The following USP29 variants were observed in gnomAD, a reference collection of about 807,000 sequenced individuals.
USP29 encodes the protein ubiquitin specific peptidase 29.
For synonymous variants in USP29, 386 were observed against 387.4 expected (o/e 1.00, Z 0.04); for missense variants, 1,102 against 1,069.0 (o/e 1.03, Z -0.43).
In USP29 at chr19:57,129,956, T is replaced by C. The variant is rs2086846892; in HGVS notation, c.1281T>C (p.Asn427=). 6.2e-7 allele frequency: 1 copy of C among 1,614,188 alleles called. No homozygotes were observed. The highest frequency in any genetic ancestry group is 8.5e-7 in the Non-Finnish European group (1 of 1,180,024). The change falls in exon 4 of 4, where the codon AAT becomes AAC. Residue 427 remains asparagine (N), a synonymous_variant. Transcript: ENST00000254181. ...TGTTTGTTTGCCCTGTTGTTGCTAA[T>C]TTTGAGTTTGAATTGCAGCTCTCCC... is the stretch of plus-strand genomic sequence containing the variant. ...TKVFVCPVVA[N]FEFELQLSLI...
rs969828700 is a variant in USP29 at position 57,130,113 on chromosome 19, G to C, written c.1438G>C (p.Glu480Gln). The change falls in exon 4 of 4, where the codon GAA (glutamate) becomes CAA (glutamine). Residue 480 changes from glutamate to glutamine, a missense_variant. Physicochemically the swap from Glu to Gln is conservative, Grantham distance 29. Coordinates refer to ENST00000254181, the MANE Select transcript of USP29 (RefSeq NM_020903.3). Reference sequence around the variant, plus strand: ...TTCTTTAGATCTTTTCTTTAAAGAAGAAGAGCTTGAATATAACTGTCAGAT... The same window carrying C: ...TTCTTTAGATCTTTTCTTTAAAGAACAAGAGCTTGAATATAACTGTCAGAT... ...QNSLDLFFKE[E>Q]ELEYNCQMCK... 1.1e-5 allele frequency: 17 copies of C among 1,613,672 alleles called. No individual in the cohort carries two copies. Among genetic ancestry groups the C allele is most frequent in the Non-Finnish European group, 1.3e-5 (15 of 1,179,932 alleles).
In USP29 at chr19:57,129,731, G is replaced by A. The variant is rs767922837; in HGVS notation, c.1056G>A (p.Gly352=). Residue 352 remains glycine, a synonymous_variant, in exon 4 of 4, where the codon GGG becomes GGA. Transcript: ENST00000254181. ...CAAAGATCAAGAGAGAATTACTTGG[G>A]AATGTTAAAAAAGTCATTTCAGCAG... is the stretch of plus-strand genomic sequence containing the variant. ...CSTKIKRELL[G]NVKKVISAVA... is the part of the protein sequence containing the mutation. The A allele has an allele frequency of 3.1e-6, 5 of 1,613,704 alleles. No individual in the cohort carries two copies. The Admixed American group carries it at 6.7e-5, about 22-fold the overall frequency.
chr19:57,130,190 G>C lies in USP29; in HGVS notation c.1515G>C (p.Arg505Ser), dbSNP rs759401290. 1.1e-5 allele frequency: 18 copies of C among 1,613,880 alleles called. No individual in the cohort carries two copies. Among genetic ancestry groups the C allele is most frequent in the Non-Finnish European group, 1.5e-5 (18 of 1,180,010 alleles). Residue 505 changes from arginine (R) to serine (S), a missense_variant, in exon 4 of 4, where the codon AGG (arginine) becomes AGC (serine). Transcript: ENST00000254181. ...GGCATACATTTAGTAGGCTCTCCAGGGTCCTTATCATTCATCTGAAACGCT... is the reference window on the plus strand; with the variant it reads ...GGCATACATTTAGTAGGCTCTCCAGCGTCCTTATCATTCATCTGAAACGCT... ...VARHTFSRLS[R>S]VLIIHLKRYS...
rs975832117 is a variant in USP29, at chr19:57,129,718, G to A, written c.1043G>A (p.Arg348Lys). The A allele has an allele frequency of 2.5e-6, 4 of 1,613,776 alleles. No homozygotes were observed. The highest frequency in any genetic ancestry group is 1.7e-5 in the Admixed American group (1 of 59,944). ...LKDFCSTKIK[R>K]ELLGNVKKVI... ...GATTTCTGTAGTACAAAGATCAAGA[G>A]AGAATTACTTGGGAATGTTAAAAAA... Residue 348 changes from arginine (R) to lysine (K), a missense_variant, in exon 4 of 4, where the codon AGA becomes AAA. Arg to Lys is a conservative substitution (Grantham distance 26). Transcript: ENST00000254181.
rs1370037679 is a variant in USP29, at chr19:57,129,651, G to T, written c.976G>T (p.Glu326Ter). 6.2e-7 allele frequency: 1 copy of T among 1,614,084 alleles called. No homozygotes were observed. The highest frequency in any genetic ancestry group is 8.5e-7 in the Non-Finnish European group (1 of 1,180,058). Residue 326 changes from glutamate to a stop codon, truncating the protein, a stop_gained, in exon 4 of 4, where the codon GAG becomes TAG. Transcript: ENST00000254181. LOFTEE classifies it low-confidence loss of function (END_TRUNC). Reference sequence around the variant, plus strand: ...TGTCCCATGGGAATATATTCCCTTTGAGGCTCTTATTATGACCTTGACCCA... The same window carrying T: ...TGTCCCATGGGAATATATTCCCTTTTAGGCTCTTATTATGACCTTGACCCA... ...QGVPWEYIPF[E>*]ALIMTLTQLL...
Position 57,131,563 on chromosome 19 carries a change from G to A in USP29, c.*119G>A. ...AAGTATCTCAGGATGAAATCTCAAT[G>A]AAAAACACTTATTTTGGGGGAATAT... On this transcript the variant is annotated 3_prime_UTR_variant, in exon 4 of 4. Transcript: ENST00000254181. 6.9e-7 allele frequency: 1 copy of A among 1,441,078 alleles called. No homozygotes were observed. Among genetic ancestry groups the A allele is most frequent in the South Asian group, 1.6e-5 (1 of 63,970 alleles). The allele number at this position is 1,441,078 out of a possible 1,614,324, so 89.3% of individuals were successfully genotyped here.
rs780370092 is a variant in USP29 at position 57,130,529 on chromosome 19, T to C, written c.1854T>C (p.His618=). The stretch of plus-strand genomic sequence containing the variant: ...GTGGAGATGCAAGCCAAGAGCAGCA[T>C]CAGAGAGACCTGGAAAATGGCTCTG... The part of the protein sequence containing the change: ...RDCGDASQEQ[H]QRDLENGSAL... The change falls in exon 4 of 4, where the codon CAT becomes CAC. Residue 618 remains histidine, a synonymous_variant. Coordinates refer to ENST00000254181, the MANE Select transcript of USP29 (RefSeq NM_020903.3). The C allele has an allele frequency of 1.7e-5, 27 of 1,614,144 alleles. No homozygotes were observed. Among genetic ancestry groups the C allele is most frequent in the Middle Eastern group, 1.6e-4 (1 of 6,062 alleles).
Position 57,128,790 on chromosome 19 carries a change from G to C in USP29, c.115G>C (p.Val39Leu). ...TVQRQKEIKL[V>L]VTFKSGKFIR... ...GCAAAGACAAAAGGAAATTAAACTG[G>C]TGGTCACTTTCAAATCTGGAAAATT... The change falls in exon 4 of 4, where the codon GTG becomes CTG. Residue 39 changes from valine to leucine, a missense_variant. Physicochemically the swap from Val to Leu is conservative, Grantham distance 32. Transcript: ENST00000254181. 1 of 1,614,036 alleles carries C rather than the reference G, an allele frequency of 6.2e-7. No homozygotes were observed. The highest frequency in any genetic ancestry group is 8.5e-7 in the Non-Finnish European group (1 of 1,179,988).
intron 3 of USP29, among the ~76,000 whole-genome samples, chr19:57,126,817 G>A (rs983337959): frequency 1.3e-5 from 2 of 151,988 alleles, no homozygotes; most frequent in African/African-American, 4.8e-5. Flanking sequence ...CAGGAGTTGC[G>A]ATCATTTGGA....
At chr19:57,126,013 C>T (rs1218923962) in intron 3 of USP29, among the ~76,000 whole-genome samples, 2 of 152,050 alleles carry the variant, frequency 1.3e-5, no homozygotes, top group Non-Finnish European at 2.9e-5. Flanking sequence ...ATTTTTTCTT[C>T]GCTTATGAAG....
rs767383529 is a variant in USP29, at chr19:57,129,174, G to A, written c.499G>A (p.Gly167Arg). Residue 167 changes from glycine (G) to arginine (R), a missense_variant, in exon 4 of 4, where the codon GGG (glycine) becomes AGG (arginine). Coordinates refer to ENST00000254181, the MANE Select transcript of USP29 (RefSeq NM_020903.3). The stretch of plus-strand genomic sequence containing the variant: ...AAAGGGGATATTAGAAAATCAAGGT[G>A]GGAAGGGGCAAAACACACTATCATC... ...VKKGILENQG[G>R]KGQNTLSSDV... The A allele has an allele frequency of 2.5e-6, 4 of 1,613,632 alleles. No individual in the cohort carries two copies. In the South Asian group the frequency reaches 3.3e-5, roughly 13 times the overall value.
chr19:57,129,686 T>C lies in USP29; in HGVS notation c.1011T>C (p.Ala337=). The C allele has an allele frequency of 6.2e-7, 1 of 1,614,102 alleles. No homozygotes were observed. The highest frequency in any genetic ancestry group is 8.5e-7 in the Non-Finnish European group (1 of 1,180,018). The change falls in exon 4 of 4, where the codon GCT becomes GCC. Residue 337 remains alanine (A), a synonymous_variant. Transcript: ENST00000254181. ...ALIMTLTQLL[A]LKDFCSTKIK... ...TTATGACCTTGACCCAGCTGCTTGCTTTGAAAGATTTCTGTAGTACAAAGA... is the reference window on the plus strand; with the variant it reads ...TTATGACCTTGACCCAGCTGCTTGCCTTGAAAGATTTCTGTAGTACAAAGA...
intron 1 of USP29, among the ~76,000 whole-genome samples, chr19:57,120,788 C>CAAAAAAAAAA (rs71293954): frequency 0.011 from 334 of 31,132 alleles, 43 homozygotes; most frequent in African/African-American, 0.017. Flanking sequence ...GACTCCGTCT[C>CAAAAAAAAAA]AAAAAAAAAA....
chr19:57,129,747 A>C lies in USP29; in HGVS notation c.1072A>C (p.Ile358Leu). The C allele has an allele frequency of 6.2e-7, 1 of 1,614,126 alleles. No individual in the cohort carries two copies. Among genetic ancestry groups the C allele is most frequent in the Non-Finnish European group, 8.5e-7 (1 of 1,180,028 alleles). ...ATTACTTGGGAATGTTAAAAAAGTC[A>C]TTTCAGCAGTTGCAGAAATATTTTC... ...RELLGNVKKV[I>L]SAVAEIFSGN... Residue 358 changes from isoleucine to leucine, a missense_variant, in exon 4 of 4, where the codon ATT (isoleucine) becomes CTT (leucine). Physicochemically the swap from Ile to Leu is conservative, Grantham distance 5. Transcript: ENST00000254181.
At chr19:57,125,162 T>C (rs2086817280) in intron 3 of USP29, among the ~76,000 whole-genome samples, 1 of 152,184 alleles carries the variant, frequency 6.6e-6, no homozygotes, top group Non-Finnish European at 1.5e-5. Flanking sequence ...AAGCCAGGCT[T>C]TCCATGTAGT....
chr19:57,121,127 A>G (rs2086793403), intron 1 of USP29, among the ~76,000 whole-genome samples: 3 of 151,614 alleles, frequency 2.0e-5, no homozygotes, highest in Admixed American at 2.0e-4. Flanking sequence ...CCAAAAAAAA[A>G]AAAGAAAATG....
intron 3 of USP29, 98 bp from the exon 4 acceptor site, chr19:57,128,562 C>T (rs560963042): frequency 8.0e-7 from 1 of 1,248,168 alleles, no homozygotes. Context: ...CATAAGAAGA[C>T]TAAAAATAAA....
chr19:57,127,500 G>A (rs1172747419), intron 3 of USP29, among the ~76,000 whole-genome samples: 2 of 152,170 alleles, frequency 1.3e-5, no homozygotes, highest in South Asian at 4.1e-4. Flanking sequence ...GGAATCTAGA[G>A]AAGCAGTCTG....
At chr19:57,123,632 TA>T (rs1231633046) in intron 2 of USP29, among the ~76,000 whole-genome samples, 2 of 152,124 alleles carry the variant, frequency 1.3e-5, no homozygotes, top group East Asian at 3.8e-4. Context: ...TGCCTCTTTG[TA>T]ACAAGAAAAA....
Sources: gnomAD v4.1 joint callset for allele counts (sites outside exome capture counted in the v4.1 genomes callset) on GRCh38, gnomAD v4.1.1 for gene constraint, MANE v1.5 for transcripts, NCBI Gene and HGNC (gene_info 2026-07-23, HGNC 2026-07-21) for gene names.